The following TMEM35B variants were observed in gnomAD, a reference collection of about 807,000 sequenced individuals.
TMEM35B encodes transmembrane protein 35B.
A neutral mutation model predicts 8.7 loss-of-function variants in TMEM35B; 6 were observed. The ratio of observed to expected loss-of-function variants is 0.69; its 90% CI spans 0.38 to 1.36. TMEM35B has a LOEUF of 1.36. TMEM35B is among the 40% of genes most tolerant of loss of function. TMEM35B has a pLI of 0.02. For synonymous variants in TMEM35B, 89 were observed against 87.0 expected (o/e 1.02, Z -0.13); for missense variants, 176 against 181.6 (o/e 0.97, Z 0.18).
chr1:34,984,899 A>G (rs756190072), intron 1 of TMEM35B, among the ~76,000 whole-genome samples: 3 of 150,446 alleles, frequency 2.0e-5, no homozygotes, highest in Non-Finnish European at 4.4e-5. Flanking sequence ...CCACCGCATC[A>G]TCCTCCCCCA....
At chr1:34,985,316 C>A in exon 1 of TMEM35B, 1 of 1,525,872 alleles carries the variant, frequency 6.6e-7, no homozygotes, top group Non-Finnish European at 8.8e-7. Context: ...GGCCGCGCTC[C>A]CCCCACCGTG....
At chr1:34,984,010 T>C in intron 1 of TMEM35B, 63 bp from the exon 2 acceptor site, 1 of 1,382,956 alleles carries the variant, frequency 7.2e-7, no homozygotes, top group Non-Finnish European at 9.5e-7. Flanking sequence ...CCCCAGATGC[T>C]CCATGGCATA....
intron 1 of TMEM35B, among the ~76,000 whole-genome samples, chr1:34,984,509 T>C (rs1221912738): frequency 6.6e-6 from 1 of 152,214 alleles, no homozygotes; most frequent in Admixed American, 6.5e-5. Flanking sequence ...TGTCTGTCTC[T>C]GGGGATTTAT....
intron 2 of TMEM35B, among the ~76,000 whole-genome samples, chr1:34,982,584 C>A (rs1640519281): frequency 1.3e-5 from 2 of 151,234 alleles, no homozygotes; most frequent in Admixed American, 6.6e-5. Flanking sequence ...TCAAGCGATT[C>A]TCCTGCCTCA....
intron 1 of TMEM35B, among the ~76,000 whole-genome samples, chr1:34,984,342 G>A (rs1640540189): frequency 6.6e-6 from 1 of 152,198 alleles, no homozygotes; most frequent in Non-Finnish European, 1.5e-5. Flanking sequence ...TGGAGGTGAG[G>A]CAGAGTTAGG....
At chr1:34,982,456 CCTTT>C (rs1475500400) in intron 2 of TMEM35B, among the ~76,000 whole-genome samples, 6 of 140,912 alleles carry the variant, frequency 4.3e-5, no homozygotes, top group Non-Finnish European at 5.9e-5. Flanking sequence ...CTTCTCCTTT[CCTTT>C]TTTTTTTTTT....
At chr1:34,983,240 G>T (rs1640525643) in intron 2 of TMEM35B, among the ~76,000 whole-genome samples, 2 of 152,146 alleles carry the variant, frequency 1.3e-5, no homozygotes, top group Admixed American at 6.5e-5. Context: ...GAGGTAGAAG[G>T]TACACTTAAC....
At chr1:34,982,252 A>G (rs1046386992) in intron 2 of TMEM35B, 133 bp from the exon 3 acceptor site, 5 of 662,232 alleles carry the variant, frequency 7.6e-6, no homozygotes, top group Admixed American at 3.4e-5. Context: ...CTCCTAACGC[A>G]CATTCCCAAA....
chr1:34,983,694 G>A, intron 2 of TMEM35B, 73 bp downstream of exon 2: 1 of 1,302,702 alleles, frequency 7.7e-7, no homozygotes, highest in Non-Finnish European at 1.0e-6. Flanking sequence ...GCAACAGTAA[G>A]GGGGAACAGC....
exon 2 of TMEM35B, chr1:34,983,781 A>G: frequency 1.3e-6 from 2 of 1,533,080 alleles, no homozygotes; most frequent in South Asian, 1.3e-5. Flanking sequence ...CATGAGCAGA[A>G]TCAAGAACAA....
intron 2 of TMEM35B, 133 bp from the exon 3 acceptor site, chr1:34,982,252 A>C: frequency 1.5e-6 from 1 of 662,230 alleles, no homozygotes; most frequent in South Asian, 2.5e-5. Context: ...CTCCTAACGC[A>C]CATTCCCAAA....
intron 2 of TMEM35B, 140 bp downstream of exon 2, chr1:34,983,627 C>T (rs1640531505): frequency 8.3e-6 from 4 of 483,178 alleles, no homozygotes; most frequent in African/African-American, 2.3e-5. Flanking sequence ...GTTTGAAGAC[C>T]ATGGAAACTG....
In TMEM35B at chr1:34,981,881, AGACT is replaced by A. The variant is rs1161027922; in HGVS notation, c.*59_*62del. On this transcript the variant is annotated 3_prime_UTR_variant, in exon 3 of 3. Transcript: ENST00000373337. Reference sequence around the variant, plus strand: ...GATATTATACTGGTAACAAGATGATAGACTCTGTGTTCTACCATGTTCCTGCTGT... The same window carrying A: ...GATATTATACTGGTAACAAGATGATACTGTGTTCTACCATGTTCCTGCTGT... 39 of 1,422,296 alleles carry A rather than the reference AGACT, an allele frequency of 2.7e-5. 1 individual carries two copies. In the African/African-American group the frequency reaches 4.3e-4, roughly 16 times the overall value. The allele number at this position is 1,422,296 out of a possible 1,614,324, so 88.1% of individuals were successfully genotyped here. A position where few individuals can be genotyped will look rare whatever the true frequency, so the allele number is the denominator to read the frequency against.
In TMEM35B at chr1:34,982,269, G is replaced by A. The variant is rs112089147; in HGVS notation, c.290-150C>T. 4,383 of 598,598 alleles carry A rather than the reference G, an allele frequency of 7.3e-3. 173 individuals carry two copies. The highest frequency in any genetic ancestry group is 0.073 in the African/African-American group (3,887 of 53,480). 37.1% of individuals were successfully genotyped at this position (598,598 alleles called of 1,614,324 possible). On this transcript the variant is annotated intron_variant, in intron 2 of 2. Coordinates refer to ENST00000373337, the Ensembl canonical transcript of TMEM35B. ...CCTAACGCACATTCCCAAAACTAGCGGCATTCATCTCTAGCCTCCTGGAGA... is the reference window on the plus strand; with the variant it reads ...CCTAACGCACATTCCCAAAACTAGCAGCATTCATCTCTAGCCTCCTGGAGA...
exon 3 of TMEM35B, chr1:34,982,072 T>C: frequency 6.5e-7 from 1 of 1,549,166 alleles, no homozygotes; most frequent in Non-Finnish European, 8.7e-7. Context: ...ATGGCTGGGA[T>C]ACAGGTGCTT....
chr1:34,985,319 C>T (rs747553730), exon 1 of TMEM35B: 7 of 1,523,906 alleles, frequency 4.6e-6, no homozygotes, highest in South Asian at 3.7e-5. Context: ...CGCGCTCCCC[C>T]CACCGTGGGT....
intron 2 of TMEM35B, among the ~76,000 whole-genome samples, chr1:34,982,376 C>T (rs550687956): frequency 2.6e-5 from 4 of 150,980 alleles, no homozygotes; most frequent in South Asian, 4.2e-4. Flanking sequence ...AAGAAAGAAA[C>T]GGGAATGACC....
exon 2 of TMEM35B, chr1:34,983,903 T>C: frequency 6.5e-7 from 1 of 1,539,888 alleles, no homozygotes; most frequent in Non-Finnish European, 8.8e-7. Flanking sequence ...GGTAGCCAAA[T>C]ACCTTCAGCG....
intron 1 of TMEM35B, among the ~76,000 whole-genome samples, chr1:34,984,211 C>A (rs1453944474): frequency 6.6e-6 from 1 of 152,204 alleles, no homozygotes; most frequent in Non-Finnish European, 1.5e-5. Flanking sequence ...TACAACCCAG[C>A]CCCAAATCCC....
Sources: allele counts gnomAD v4.1 joint callset (sites outside exome capture counted in the v4.1 genomes callset), GRCh38; gene constraint gnomAD v4.1.1; transcripts MANE v1.5; gene names NCBI Gene and HGNC (gene_info 2026-07-23, HGNC 2026-07-21).